CAPN9: variants seen among roughly 807,000 people sequenced by gnomAD.
CAPN9 encodes the protein calpain 9, also known as calpain-9.
CAPN9 carries 81 observed loss-of-function variants against 92.8 expected under a neutral mutation model. That is an observed-to-expected ratio of 0.87 (90% confidence interval 0.73 to 1.05). The LOEUF is 1.05. CAPN9 is among the 50% of genes least tolerant of loss of function. The pLI is 0.00. For missense variants in CAPN9, 848 were observed against 866.2 expected (o/e 0.98, Z 0.26); for synonymous variants, 304 against 328.0 (o/e 0.93, Z 0.79).
intron 1 of CAPN9, among the ~76,000 whole-genome samples, chr1:230,751,370 T>C (rs1664752978): frequency 6.6e-6 from 1 of 151,664 alleles, no homozygotes; most frequent in African/African-American, 2.4e-5. Context: ...AAATGTGGCT[T>C]TTCTTCACTG....
intron 11 of CAPN9, among the ~76,000 whole-genome samples, chr1:230,784,105 G>A (rs1204854477): frequency 6.6e-6 from 1 of 152,232 alleles, no homozygotes; most frequent in East Asian, 1.9e-4. Context: ...AAGCATTCAG[G>A]ATGTGACCTG....
rs981224455 is a variant in CAPN9, at chr1:230,789,981, A to G, written c.1600-151A>G. 1.2e-5 allele frequency: 7 copies of G among 583,926 alleles called. No individual in the cohort carries two copies. In the African/African-American group the frequency reaches 1.3e-4, roughly 11 times the overall value. The allele number at this position is 583,926 out of a possible 1,614,324, so 36.2% of individuals were successfully genotyped here. On this transcript the variant is annotated intron_variant, in intron 13 of 19. Coordinates refer to ENST00000271971, the MANE Select transcript of CAPN9 (RefSeq NM_006615.3). ...ACATATGAGACACATAGCTGCAGCT[A>G]CACAGGAGATAGGTACATCTGCCCA...
At chr1:230,780,118 G>A in intron 9 of CAPN9, 61 bp from the exon 10 acceptor site, 2 of 862,992 alleles carry the variant, frequency 2.3e-6, no homozygotes, top group South Asian at 3.1e-5. Flanking sequence ...GTGTGTGTGT[G>A]TGTGGTCTTT....
At chr1:230,792,722 C>T in intron 16 of CAPN9, 128 bp from the exon 17 acceptor site, 1 of 827,822 alleles carries the variant, frequency 1.2e-6, no homozygotes. Context: ...TTTGGAAGGC[C>T]CAGTCCAACT....
In CAPN9 at chr1:230,780,219, T is replaced by C. The variant is rs368510466; in HGVS notation, c.1155T>C (p.Thr385=). 3.7e-6 allele frequency: 6 copies of C among 1,613,748 alleles called. No homozygotes were observed. The African/African-American group carries it at 8.0e-5, about 22-fold the overall frequency. Residue 385 remains threonine (T), a synonymous_variant, in exon 10 of 20, where the codon ACT becomes ACC. Transcript: ENST00000271971. ...ATCCACAAATAAAATTGTCTCTGAC[T>C]GAGAAAGATGAGGGGCAGGAGGAGT... ...WTNPQIKLSL[T]EKDEGQEECS...
chr1:230,779,273 A>C, intron 9 of CAPN9, 140 bp downstream of exon 9: 1 of 753,048 alleles, frequency 1.3e-6, no homozygotes, highest in Non-Finnish European at 2.1e-6. Context: ...AAAAGGCTGC[A>C]AAGATTTAGT....
At chr1:230,779,322 C>A (rs1011657466) in intron 9 of CAPN9, among the ~76,000 whole-genome samples, 189 bp downstream of exon 9, 1 of 152,144 alleles carries the variant, frequency 6.6e-6, no homozygotes, top group African/African-American at 2.4e-5. Context: ...TTTGTTTTAC[C>A]ACTTAGGTTA....
chr1:230,798,914 C>T (rs1286320633), intron 19 of CAPN9, among the ~76,000 whole-genome samples: 2 of 152,234 alleles, frequency 1.3e-5, no homozygotes, highest in Non-Finnish European at 2.9e-5. Flanking sequence ...GATTCCTGTG[C>T]ACATGAAGCT....
intron 1 of CAPN9, among the ~76,000 whole-genome samples, chr1:230,753,418 G>A (rs1343575753): frequency 1.3e-5 from 2 of 152,192 alleles, no homozygotes; most frequent in African/African-American, 4.8e-5. Flanking sequence ...ACTCCTCCAG[G>A]TTGTCACATC....
chr1:230,768,263 T>C (rs1230532839), intron 5 of CAPN9, among the ~76,000 whole-genome samples: 2 of 151,868 alleles, frequency 1.3e-5, no homozygotes, highest in Admixed American at 6.6e-5. Flanking sequence ...AAAACACAAG[T>C]TTTTATTTAA....
intron 12 of CAPN9, 103 bp downstream of exon 12, chr1:230,786,120 G>A: frequency 6.2e-7 from 1 of 1,601,016 alleles, no homozygotes; most frequent in Non-Finnish European, 8.5e-7. Context: ...TTCAGGGATG[G>A]TTACATGCAA....
chr1:230,792,797 G>C, intron 16 of CAPN9, 53 bp from the exon 17 acceptor site: 1 of 1,480,708 alleles, frequency 6.8e-7, no homozygotes. Context: ...ACTGCCATCA[G>C]CGATGCCTTT....
intron 2 of CAPN9, among the ~76,000 whole-genome samples, chr1:230,756,956 GA>G (rs1394297266): frequency 6.9e-6 from 1 of 144,530 alleles, no homozygotes. Flanking sequence ...AAACAAAAAG[GA>G]AAAAAAGGAA....
chr1:230,774,354 T>C (rs912214645), intron 7 of CAPN9, among the ~76,000 whole-genome samples, 200 bp from the exon 8 acceptor site: 1 of 152,238 alleles, frequency 6.6e-6, no homozygotes, highest in Non-Finnish European at 1.5e-5. Flanking sequence ...CACTTGGAGA[T>C]GTACTTTCTG....
At chr1:230,786,632 C>A (rs1231988276) in intron 12 of CAPN9, among the ~76,000 whole-genome samples, 6 of 152,110 alleles carry the variant, frequency 3.9e-5, no homozygotes, top group Admixed American at 3.3e-4. Context: ...AGCATGAGAA[C>A]CTTCTGGCCT....
chr1:230,753,224 G>T (rs371069561), intron 1 of CAPN9, among the ~76,000 whole-genome samples: 1 of 152,196 alleles, frequency 6.6e-6, no homozygotes, highest in Admixed American at 6.5e-5. Context: ...ATGCAAAGAC[G>T]TGTGAGACCT....
intron 6 of CAPN9, among the ~76,000 whole-genome samples, chr1:230,770,927 G>C (rs781617611): frequency 6.6e-6 from 1 of 152,186 alleles, no homozygotes; most frequent in African/African-American, 2.4e-5. Context: ...GGTGTGAGAC[G>C]CCGTTGGACT....
intron 8 of CAPN9, among the ~76,000 whole-genome samples, chr1:230,775,808 T>C (rs895467746): frequency 6.6e-6 from 1 of 151,710 alleles, no homozygotes; most frequent in African/African-American, 2.4e-5. Context: ...TCCCAGCTAC[T>C]TGGGAGGCTG....
chr1:230,790,958 A>G (rs531377487), intron 14 of CAPN9, among the ~76,000 whole-genome samples: 3 of 152,286 alleles, frequency 2.0e-5, no homozygotes, highest in Non-Finnish European at 2.9e-5. Flanking sequence ...TTCAGGGGGA[A>G]AAAAAGGAAT....
Sources: gnomAD v4.1 joint callset for allele counts (sites outside exome capture counted in the v4.1 genomes callset) on GRCh38, gnomAD v4.1.1 for gene constraint, MANE v1.5 for transcripts, NCBI Gene and HGNC (gene_info 2026-07-23, HGNC 2026-07-21) for gene names.